KLF12: variants seen among roughly 807,000 people sequenced by gnomAD.
KLF12 encodes the protein KLF transcription factor 12.
Under a neutral mutation model 37.8 loss-of-function variants are expected in KLF12, and 9 were observed. That is an observed-to-expected ratio of 0.24 (90% CI 0.14 to 0.42). The LOEUF (loss-of-function observed/expected upper bound fraction) is 0.42, where lower values mean the gene tolerates loss of function less well. KLF12 is among the 10% of genes least tolerant of loss of function. The pLI is 1.00. For synonymous variants in KLF12, 208 were observed against 202.1 expected (o/e 1.03, Z -0.25); for missense variants, 411 against 516.0 (o/e 0.80, Z 1.97).
chr13:74,295,350 A>G, the KLF12 span, among the ~76,000 whole-genome samples: 2 of 152,216 alleles, frequency 1.3e-5, no homozygotes, highest in South Asian at 4.2e-4. Context: ...GCCCCACTGA[A>G]CATCTCCTTT....
chr13:73,798,630 AATAG>A (rs1882123488), intron 5 of KLF12, among the ~76,000 whole-genome samples: 1 of 152,240 alleles, frequency 6.6e-6, no homozygotes, highest in African/African-American at 2.4e-5. Context: ...TTCTCAAAAG[AATAG>A]ATAATGTCAC....
chr13:73,820,667 A>G (rs116427063), intron 4 of KLF12, among the ~76,000 whole-genome samples: 1,866 of 152,284 alleles, frequency 0.012, 18 homozygotes, highest in African/African-American at 0.028. Context: ...TACTGTGTAG[A>G]TATAATATGC....
chr13:73,867,712 C>T (rs547208644), intron 3 of KLF12, among the ~76,000 whole-genome samples: 3 of 152,064 alleles, frequency 2.0e-5, no homozygotes, highest in Non-Finnish European at 2.9e-5. Context: ...TACCACAATG[C>T]GACCCCACAG....
chr13:74,191,750 G>A, the KLF12 span, among the ~76,000 whole-genome samples: 4 of 152,066 alleles, frequency 2.6e-5, no homozygotes, highest in African/African-American at 4.8e-5. Flanking sequence ...AAATTTCTTA[G>A]AACATCAGAA....
chr13:73,876,589 A>T (rs1886715381), intron 3 of KLF12, among the ~76,000 whole-genome samples: 1 of 152,182 alleles, frequency 6.6e-6, no homozygotes, highest in Non-Finnish European at 1.5e-5. Context: ...TGCATTCCAC[A>T]TTCATTTACG....
At chr13:74,275,802 CTTTCCTTCTTTCTTTCT>C in the KLF12 span, among the ~76,000 whole-genome samples, 806 of 102,900 alleles carry the variant, frequency 7.8e-3, 8 homozygotes, top group African/African-American at 0.022. Context: ...TTCTTTCTTT[CTTTCCTTCTTTCTTTCT>C]TTCTTTCTTT....
At chr13:74,117,693 G>A (rs999008891) in intron 1 of KLF12, among the ~76,000 whole-genome samples, 2 of 152,110 alleles carry the variant, frequency 1.3e-5, no homozygotes, top group Non-Finnish European at 2.9e-5. Context: ...ATGATACAAT[G>A]ATACCCCGAT....
At chr13:74,053,290 T>C (rs79396476) in intron 1 of KLF12, among the ~76,000 whole-genome samples, 1,530 of 152,348 alleles carry the variant, frequency 0.01, 22 homozygotes, top group African/African-American at 0.035. Flanking sequence ...ATACTAAATA[T>C]ACATTCCTTG....
chr13:73,732,844 A>G (rs953858337), intron 6 of KLF12, among the ~76,000 whole-genome samples: 6 of 152,074 alleles, frequency 3.9e-5, no homozygotes, highest in Admixed American at 6.6e-5. Context: ...TAACATGCCC[A>G]AAGCTGAACT....
intron 4 of KLF12, among the ~76,000 whole-genome samples, chr13:73,817,324 A>AAAAAAAAAAAAAG (rs1184659945): frequency 0.02 from 1,912 of 97,656 alleles, 40 homozygotes; most frequent in African/African-American, 0.055. Context: ...GTTTCAAAAA[A>AAAAAAAAAAAAAG]AAAAGAAAAG....
At chr13:74,236,023 C>T in the KLF12 span, among the ~76,000 whole-genome samples, 1 of 148,626 alleles carries the variant, frequency 6.7e-6, no homozygotes, top group African/African-American at 2.5e-5. Context: ...TATACATGTG[C>T]CATGCTGGTG....
At chr13:74,230,913 T>C in the KLF12 span, among the ~76,000 whole-genome samples, 1 of 152,200 alleles carries the variant, frequency 6.6e-6, no homozygotes, top group Non-Finnish European at 1.5e-5. Flanking sequence ...TTAAACGTTG[T>C]CTGTGCTTCA....
At chr13:73,747,128 T>C (rs1311952253) in intron 6 of KLF12, among the ~76,000 whole-genome samples, 4 of 152,168 alleles carry the variant, frequency 2.6e-5, no homozygotes, top group Non-Finnish European at 4.4e-5. Context: ...TTTCTTTCTT[T>C]CTTCCTTCAA....
chr13:74,278,715 A>G, the KLF12 span, among the ~76,000 whole-genome samples: 5 of 152,296 alleles, frequency 3.3e-5, no homozygotes, highest in Admixed American at 2.6e-4. Context: ...AACTTTTTAA[A>G]GGAGGGCTAC....
chr13:74,290,857 T>G, the KLF12 span, among the ~76,000 whole-genome samples: 1 of 152,258 alleles, frequency 6.6e-6, no homozygotes, highest in African/African-American at 2.4e-5. Flanking sequence ...TAGCTCCGTT[T>G]GCACAGCAAA....
At chr13:74,000,941 T>C (rs548163580) in intron 1 of KLF12, among the ~76,000 whole-genome samples, 6 of 152,368 alleles carry the variant, frequency 3.9e-5, no homozygotes, top group South Asian at 4.1e-4. Flanking sequence ...CAGGACTGCA[T>C]AGTCAAAAAT....
chr13:73,850,156 T>C (rs1885259156), intron 3 of KLF12, among the ~76,000 whole-genome samples: 1 of 152,170 alleles, frequency 6.6e-6, no homozygotes, highest in Admixed American at 6.5e-5. Flanking sequence ...AACCTAAAGA[T>C]AAACATAAGG....
chr13:73,797,890 A>T (rs575402383), intron 5 of KLF12, among the ~76,000 whole-genome samples: 3 of 152,090 alleles, frequency 2.0e-5, no homozygotes, highest in Non-Finnish European at 4.4e-5. Flanking sequence ...AGTCAATCAC[A>T]TCTGAACTAC....
intron 1 of KLF12, among the ~76,000 whole-genome samples, chr13:74,015,958 G>A (rs1892679040): frequency 6.6e-6 from 1 of 152,008 alleles, no homozygotes; most frequent in South Asian, 2.1e-4. Context: ...TTAGAGATAT[G>A]GACATAAAAG....
Sources: gnomAD v4.1 joint callset for allele counts (sites outside exome capture counted in the v4.1 genomes callset) on GRCh38, gnomAD v4.1.1 for gene constraint, MANE v1.5 for transcripts, NCBI Gene and HGNC (gene_info 2026-07-23, HGNC 2026-07-21) for gene names.